The following DOCK2 variants were observed in gnomAD, a reference collection of about 807,000 sequenced individuals.
DOCK2 encodes the protein dedicator of cytokinesis 2, also known as dedicator of cytokinesis protein 2.
Under a neutral mutation model 248.9 loss-of-function variants are expected in DOCK2, and 87 were observed. The ratio of observed to expected loss-of-function variants is 0.35; its 90% CI spans 0.29 to 0.42. The LOEUF is 0.42. Among genes scored for constraint, DOCK2 ranks in the 10% least tolerant of loss-of-function variants. The probability of loss-of-function intolerance (pLI) is 1.00; values close to 1 mark genes in which losing one functional copy is unlikely to be tolerated. For synonymous variants in DOCK2, 805 were observed against 821.6 expected (o/e 0.98, Z 0.35); for missense variants, 1,747 against 2,300.2 (o/e 0.76, Z 4.92).
At chr5:169,888,411 T>G (rs1315555906) in intron 27 of DOCK2, among the ~76,000 whole-genome samples, 1 of 152,250 alleles carries the variant, frequency 6.6e-6, no homozygotes, top group Non-Finnish European at 1.5e-5. Flanking sequence ...CAACACTTTA[T>G]TCTGTCCTCC....
chr5:169,901,958 A>G (rs1386238736), intron 27 of DOCK2, among the ~76,000 whole-genome samples: 1 of 152,204 alleles, frequency 6.6e-6, no homozygotes, highest in African/African-American at 2.4e-5. Flanking sequence ...AGTTTGGAGC[A>G]TGAGTGGTGT....
intron 27 of DOCK2, among the ~76,000 whole-genome samples, chr5:169,975,067 G>C (rs557948727): frequency 6.6e-6 from 1 of 152,260 alleles, no homozygotes; most frequent in East Asian, 1.9e-4. Flanking sequence ...TGGACTCAAA[G>C]ATAAGTGGAA....
chr5:170,060,703 TAAG>T (rs1458997135), intron 44 of DOCK2, among the ~76,000 whole-genome samples: 1 of 152,144 alleles, frequency 6.6e-6, no homozygotes, highest in African/African-American at 2.4e-5. Flanking sequence ...TGGGTAGACT[TAAG>T]AAGGCAATAT....
At chr5:169,962,543 G>C (rs1470675489) in intron 27 of DOCK2, among the ~76,000 whole-genome samples, 1 of 152,166 alleles carries the variant, frequency 6.6e-6, no homozygotes, top group Non-Finnish European at 1.5e-5. Flanking sequence ...TGTCAGACAG[G>C]TAGTTGTGTC....
At chr5:169,969,967 A>G (rs886595011) in intron 27 of DOCK2, among the ~76,000 whole-genome samples, 10 of 152,236 alleles carry the variant, frequency 6.6e-5, no homozygotes, top group Admixed American at 5.2e-4. Context: ...AATGTTTTAA[A>G]AACATGATGC....
intron 27 of DOCK2, among the ~76,000 whole-genome samples, chr5:169,871,227 T>C (rs973456684): frequency 6.6e-6 from 1 of 152,212 alleles, no homozygotes; most frequent in Non-Finnish European, 1.5e-5. Flanking sequence ...CCTAGTTTCC[T>C]GATACCTAGT....
chr5:169,695,596 A>T (rs546805227), intron 9 of DOCK2, among the ~76,000 whole-genome samples: 1 of 152,214 alleles, frequency 6.6e-6, no homozygotes, highest in East Asian at 1.9e-4. Context: ...TTTATCACTC[A>T]TTTTCCTTTG....
At chr5:169,898,668 G>A (rs1010695985) in intron 27 of DOCK2, among the ~76,000 whole-genome samples, 3 of 152,112 alleles carry the variant, frequency 2.0e-5, no homozygotes, top group African/African-American at 7.2e-5. Context: ...TTTCAATCAA[G>A]GGTTAGACAG....
chr5:169,748,095 G>T (rs1183778366), intron 23 of DOCK2, among the ~76,000 whole-genome samples: 1 of 152,142 alleles, frequency 6.6e-6, no homozygotes, highest in Non-Finnish European at 1.5e-5. Flanking sequence ...AGCTGGGAGT[G>T]CCTGATGTGC....
rs1322726785 is a variant in DOCK2, at chr5:170,057,675, G to C, written c.4467+9G>C. ...TGGTGCACATGTCGCAGGTGAGTCT[G>C]GGACATTCGTGGCAGGGCCACCCTT... On this transcript the variant is annotated intron_variant, in intron 44 of 51. Coordinates refer to ENST00000520908, the MANE Select transcript of DOCK2 (RefSeq NM_004946.3). 1 of 1,596,520 alleles carries C rather than the reference G, an allele frequency of 6.3e-7. No individual in the cohort carries two copies. Among genetic ancestry groups the C allele is most frequent in the Non-Finnish European group, 8.6e-7 (1 of 1,169,384 alleles).
chr5:170,079,908 T>C (rs533300065), intron 49 of DOCK2: 109 of 461,448 alleles, frequency 2.4e-4, no homozygotes, highest in Admixed American at 5.0e-4. Context: ...TGTTTGTCGA[T>C]TCTAGGGGAC....
chr5:169,723,462 A>T (rs1363458115), intron 22 of DOCK2, among the ~76,000 whole-genome samples: 1 of 152,194 alleles, frequency 6.6e-6, no homozygotes, highest in Non-Finnish European at 1.5e-5. Context: ...TAAGGTACTT[A>T]CTTAGCACAG....
chr5:170,062,829 G>A (rs1009813701), intron 44 of DOCK2, among the ~76,000 whole-genome samples: 2 of 152,010 alleles, frequency 1.3e-5, no homozygotes, highest in Non-Finnish European at 2.9e-5. Context: ...TCCCCAGAAG[G>A]CATTTATGGC....
At chr5:170,010,309 GTCTA>G (rs1408347742) in intron 32 of DOCK2, among the ~76,000 whole-genome samples, 3 of 152,156 alleles carry the variant, frequency 2.0e-5, no homozygotes, top group Non-Finnish European at 4.4e-5. Context: ...GTCTTTCTCA[GTCTA>G]TCTTTTGTTT....
intron 26 of DOCK2, among the ~76,000 whole-genome samples, chr5:169,812,844 A>G (rs1392817479): frequency 6.6e-6 from 1 of 152,268 alleles, no homozygotes. Flanking sequence ...CAAGGCAGGC[A>G]CTGAGCCTGG....
chr5:169,773,993 A>G (rs1159103271), intron 25 of DOCK2, among the ~76,000 whole-genome samples: 1 of 152,180 alleles, frequency 6.6e-6, no homozygotes, highest in Non-Finnish European at 1.5e-5. Flanking sequence ...AACTGAGTCC[A>G]TTAAACCTCT....
At chr5:169,663,219 T>C (rs747091324) in intron 2 of DOCK2, among the ~76,000 whole-genome samples, 9 of 152,178 alleles carry the variant, frequency 5.9e-5, no homozygotes, top group African/African-American at 1.4e-4. Context: ...CAAGGCCACA[T>C]TGATGCAAGG....
At chr5:169,939,686 CA>C (rs1487270345) in intron 27 of DOCK2, among the ~76,000 whole-genome samples, 1 of 152,108 alleles carries the variant, frequency 6.6e-6, no homozygotes, top group Non-Finnish European at 1.5e-5. Context: ...TCCATTCCGT[CA>C]TTGACTGAGA....
intron 27 of DOCK2, among the ~76,000 whole-genome samples, chr5:169,887,097 C>T (rs1042727700): frequency 9.9e-5 from 15 of 152,182 alleles, no homozygotes; most frequent in African/African-American, 3.6e-4. Flanking sequence ...GACCCTGAAG[C>T]ACAGGCTTCT....
Sources: gnomAD v4.1 joint callset for allele counts (sites outside exome capture counted in the v4.1 genomes callset) on GRCh38, gnomAD v4.1.1 for gene constraint, MANE v1.5 for transcripts, NCBI Gene and HGNC (gene_info 2026-07-23, HGNC 2026-07-21) for gene names.